The following YEATS2 variants were observed in gnomAD, a reference collection of about 807,000 sequenced individuals.
YEATS2 encodes YEATS domain-containing protein 2.
Under a neutral mutation model 163.2 loss-of-function variants are expected in YEATS2, and 77 were observed. That is an observed-to-expected ratio of 0.47 (90% CI 0.39 to 0.57). YEATS2 has a LOEUF of 0.57. Among genes scored for constraint, YEATS2 ranks in the 20% least tolerant of loss-of-function variants. YEATS2 has a pLI of 0.00. For missense variants in YEATS2, 1,549 were observed against 1,729.8 expected, an observed-to-expected ratio of 0.90 and a Z score of 1.85; for synonymous variants, 631 against 645.1, an observed-to-expected ratio of 0.98 and a Z score of 0.33.
chr3:183,702,695 C>T (rs895510869), intron 1 of YEATS2, among the ~76,000 whole-genome samples: 4 of 151,374 alleles, frequency 2.6e-5, no homozygotes, highest in South Asian at 2.1e-4. Context: ...AAAAATTAGA[C>T]GTGGTGGTGT....
intron 1 of YEATS2, among the ~76,000 whole-genome samples, chr3:183,698,229 C>T (rs1310433251): frequency 2.6e-5 from 4 of 152,164 alleles, no homozygotes; most frequent in African/African-American, 9.6e-5. Context: ...GGGGCTTCCT[C>T]TTCAGCGGGG....
intron 7 of YEATS2, among the ~76,000 whole-genome samples, chr3:183,735,719 TGC>T (rs1718265491): frequency 1.3e-5 from 2 of 152,044 alleles, no homozygotes; most frequent in Admixed American, 1.3e-4. Context: ...GATGGAGTCT[TGC>T]TCTGTCTCAG....
chr3:183,734,520 G>A (rs1396626069), intron 7 of YEATS2, among the ~76,000 whole-genome samples: 1 of 152,214 alleles, frequency 6.6e-6, no homozygotes, highest in Non-Finnish European at 1.5e-5. Flanking sequence ...TACTGCTGTT[G>A]TGAGGAACAG....
rs370840598 is a variant in YEATS2 at position 183,790,929 on chromosome 3, A to G, written c.3046A>G (p.Thr1016Ala). Residue 1016 changes from threonine (T) to alanine (A), a missense_variant, in exon 21 of 31, where the codon ACG becomes GCG. Physicochemically the swap from Thr to Ala is moderately conservative, Grantham distance 58. Coordinates refer to ENST00000305135, the MANE Select transcript of YEATS2 (RefSeq NM_018023.5). ...TGCCACCCCCACCGTCGTCAGCGCCACGTCCCTCGTGCCTACACCAAACCC... is the reference window on the plus strand; with the variant it reads ...TGCCACCCCCACCGTCGTCAGCGCCGCGTCCCTCGTGCCTACACCAAACCC... ...KAATPTVVSA[T>A]SLVPTPNPIS... 22 of 1,614,122 alleles carry G rather than the reference A, an allele frequency of 1.4e-5. No individual in the cohort carries two copies. The African/African-American group carries it at 2.5e-4, about 19-fold the overall frequency.
intron 1 of YEATS2, among the ~76,000 whole-genome samples, chr3:183,698,378 C>A (rs1278333364): frequency 6.6e-6 from 1 of 152,140 alleles, no homozygotes; most frequent in East Asian, 1.9e-4. Flanking sequence ...GAATGCCCCT[C>A]CAACCTGTCG....
chr3:183,788,625 TC>T (rs1176614160), intron 20 of YEATS2, among the ~76,000 whole-genome samples: 3 of 152,226 alleles, frequency 2.0e-5, no homozygotes, highest in Non-Finnish European at 4.4e-5. Flanking sequence ...TGCAGACGTC[TC>T]CTCATATACT....
intron 2 of YEATS2, 38 bp from the exon 3 acceptor site, chr3:183,717,613 T>G (rs1425956046): frequency 7.1e-7 from 1 of 1,415,872 alleles, no homozygotes; most frequent in Non-Finnish European, 9.6e-7. Flanking sequence ...AGTCACTGAT[T>G]AATTAGGCCT....
chr3:183,699,548 TAA>T (rs1225337050), intron 1 of YEATS2, among the ~76,000 whole-genome samples: 3 of 142,572 alleles, frequency 2.1e-5, no homozygotes, highest in Non-Finnish European at 4.6e-5. Flanking sequence ...CCCCGTCTCT[TAA>T]AAAAAAAAAA....
intron 1 of YEATS2, among the ~76,000 whole-genome samples, chr3:183,708,750 T>A (rs1485940375): frequency 6.6e-6 from 1 of 151,944 alleles, no homozygotes; most frequent in Non-Finnish European, 1.5e-5. Context: ...TGTAGTCCCA[T>A]CTACTCGGAA....
At chr3:183,795,039 G>A (rs1725005810) in intron 21 of YEATS2, among the ~76,000 whole-genome samples, 1 of 151,206 alleles carries the variant, frequency 6.6e-6, no homozygotes, top group African/African-American at 2.4e-5. Context: ...CATGGTAGTT[G>A]TGCCTGTAGT....
intron 1 of YEATS2, among the ~76,000 whole-genome samples, chr3:183,706,530 A>T (rs981581754): frequency 6.6e-6 from 1 of 152,198 alleles, no homozygotes; most frequent in African/African-American, 2.4e-5. Flanking sequence ...TTGGATATAC[A>T]TACCCATCTA....
Position 183,756,558 on chromosome 3 carries a change from C to T in YEATS2, c.1421C>T (p.Pro474Leu). Residue 474 changes from proline to leucine, a missense_variant, in exon 12 of 31, where the codon CCA becomes CTA. Transcript: ENST00000305135. ...CCAATATCAACTCCAAGCCCATCAC[C>T]ATTGCCTCGAACCCCGACTTCCACT... is the stretch of plus-strand genomic sequence containing the variant. ...GSPISTPSPS[P>L]LPRTPTSTPV... 2 of 1,599,530 alleles carry T rather than the reference C, an allele frequency of 1.3e-6. No individual in the cohort carries two copies. Among genetic ancestry groups the T allele is most frequent in the Non-Finnish European group, 1.7e-6 (2 of 1,173,802 alleles).
chr3:183,766,421 C>A (rs1177890709), intron 15 of YEATS2, among the ~76,000 whole-genome samples: 1 of 152,214 alleles, frequency 6.6e-6, no homozygotes, highest in Admixed American at 6.5e-5. Flanking sequence ...GAGGGAAAAT[C>A]TCAGATACAG....
chr3:183,749,028 C>T (rs957523741), intron 9 of YEATS2, among the ~76,000 whole-genome samples: 10 of 152,126 alleles, frequency 6.6e-5, no homozygotes, highest in Admixed American at 2.6e-4. Context: ...CTGCAAGCTC[C>T]GCCTCCCGGG....
intron 5 of YEATS2, among the ~76,000 whole-genome samples, chr3:183,723,826 C>T (rs932100209): frequency 3.9e-5 from 6 of 151,994 alleles, no homozygotes; most frequent in East Asian, 1.9e-4. Flanking sequence ...GCAGGAGAAT[C>T]GCTTGAACCC....
intron 21 of YEATS2, among the ~76,000 whole-genome samples, chr3:183,796,948 C>T (rs895566702): frequency 5.9e-5 from 9 of 152,128 alleles, no homozygotes; most frequent in East Asian, 1.9e-4. Context: ...TTAATCATTA[C>T]GGGCAGGCAC....
At chr3:183,769,502 G>T (rs375605681) in intron 15 of YEATS2, among the ~76,000 whole-genome samples, 1 of 152,128 alleles carries the variant, frequency 6.6e-6, no homozygotes, top group African/African-American at 2.4e-5. Context: ...TCATGATTCG[G>T]AGGGTAAATG....
intron 23 of YEATS2, 49 bp from the exon 24 acceptor site, chr3:183,800,417 T>C (rs1223354598): frequency 7.1e-7 from 1 of 1,415,504 alleles, no homozygotes; most frequent in East Asian, 2.3e-5. Context: ...CACGTGTCCT[T>C]CCACCACTGA....
intron 27 of YEATS2, 38 bp downstream of exon 27, chr3:183,804,226 C>A: frequency 6.2e-7 from 1 of 1,610,494 alleles, no homozygotes; most frequent in Admixed American, 1.7e-5. Flanking sequence ...CGCCTGGCAG[C>A]CTGGAGGCAT....
Sources: allele counts gnomAD v4.1 joint callset (sites outside exome capture counted in the v4.1 genomes callset), GRCh38; gene constraint gnomAD v4.1.1; transcripts MANE v1.5; gene names NCBI Gene and HGNC (gene_info 2026-07-23, HGNC 2026-07-21).